Variants in TPST1 observed in about 807,000 individuals in gnomAD.
The protein encoded by TPST1 is tyrosylprotein sulfotransferase 1.
TPST1 carries 20 observed loss-of-function variants against 34.8 expected under a neutral mutation model. The ratio of observed to expected loss-of-function variants is 0.57; its 90% CI spans 0.40 to 0.84. TPST1 has a LOEUF of 0.84. TPST1 is among the 40% of genes least tolerant of loss of function. The pLI is 0.00. For missense variants in TPST1, 353 were observed against 455.5 expected, an observed-to-expected ratio of 0.78 and a Z score of 2.05; for synonymous variants, 152 against 159.4, an observed-to-expected ratio of 0.95 and a Z score of 0.35.
intron 5 of TPST1, among the ~76,000 whole-genome samples, chr7:66,357,470 T>C (rs986825655): frequency 6.6e-6 from 1 of 152,262 alleles, no homozygotes; most frequent in African/African-American, 2.4e-5. Flanking sequence ...CTTGTTTTAA[T>C]GTATTATGGA....
At chr7:66,286,132 T>C (rs1002258906) in intron 2 of TPST1, among the ~76,000 whole-genome samples, 3 of 152,220 alleles carry the variant, frequency 2.0e-5, no homozygotes, top group Non-Finnish European at 4.4e-5. Flanking sequence ...TGTCCCTCTT[T>C]CCATCCATCA....
chr7:66,216,001 G>A (rs1225069608), intron 1 of TPST1, among the ~76,000 whole-genome samples: 1 of 151,832 alleles, frequency 6.6e-6, no homozygotes, highest in East Asian at 1.9e-4. Flanking sequence ...TGGATCTCCT[G>A]ACCTTGTGAT....
chr7:66,234,400 TACACACACACAC>T (rs56139529), intron 1 of TPST1, among the ~76,000 whole-genome samples: 11 of 142,950 alleles, frequency 7.7e-5, no homozygotes, highest in African/African-American at 2.8e-4. Context: ...AAAGCATGGC[TACACACACACAC>T]ACACACACAC....
At chr7:66,357,428 G>C (rs1342927790) in intron 5 of TPST1, among the ~76,000 whole-genome samples, 2 of 152,196 alleles carry the variant, frequency 1.3e-5, no homozygotes, top group Admixed American at 6.5e-5. Context: ...TTGTTTGTTT[G>C]TTTCTTGGTT....
chr7:66,254,173 T>C (rs1460672874), intron 2 of TPST1, among the ~76,000 whole-genome samples: 5 of 152,116 alleles, frequency 3.3e-5, no homozygotes, highest in Non-Finnish European at 7.3e-5. Context: ...TAAATTTACA[T>C]TGAACCTGTA....
intron 2 of TPST1, among the ~76,000 whole-genome samples, chr7:66,275,517 A>G (rs1050100035): frequency 6.6e-6 from 1 of 152,266 alleles, no homozygotes; most frequent in South Asian, 2.1e-4. Context: ...TGCGGCATAC[A>G]TACACAATGG....
chr7:66,286,585 C>A lies in TPST1; in HGVS notation c.920C>A (p.Pro307Gln). ...GALSKWVGKI[P>Q]PDVLQDMAVI... is the part of the protein sequence containing the mutation. ...CTATCAAAATGGGTTGGGAAGATAC[C>A]GCCAGATGTTTTACAAGACATGGCA... The change falls in exon 3 of 6, where the codon CCG becomes CAG. Residue 307 changes from proline (P) to glutamine (Q), a missense_variant. Transcript: ENST00000304842. 3 of 1,610,222 alleles carry A rather than the reference C, an allele frequency of 1.9e-6. No individual in the cohort carries two copies. Among genetic ancestry groups the A allele is most frequent in the Non-Finnish European group, 2.5e-6 (3 of 1,177,730 alleles).
intron 1 of TPST1, among the ~76,000 whole-genome samples, chr7:66,222,927 G>A (rs1789574223): frequency 6.6e-6 from 1 of 152,068 alleles, no homozygotes; most frequent in South Asian, 2.1e-4. Flanking sequence ...TCTTCCTTTT[G>A]TAATTTCTAC....
chr7:66,318,448 T>C (rs1222205055), intron 3 of TPST1, among the ~76,000 whole-genome samples: 2 of 152,170 alleles, frequency 1.3e-5, no homozygotes, highest in Admixed American at 1.3e-4. Context: ...TTCCTTTTTT[T>C]TCCCCCAAGT....
chr7:66,206,123 C>CT (rs55882173), intron 1 of TPST1, among the ~76,000 whole-genome samples: 118 of 116,144 alleles, frequency 1.0e-3, no homozygotes, highest in East Asian at 6.2e-3. Context: ...GGATTCATCG[C>CT]TTTTTTTTTT....
chr7:66,212,100 C>T (rs189512275), intron 1 of TPST1, among the ~76,000 whole-genome samples: 21 of 152,272 alleles, frequency 1.4e-4, no homozygotes, highest in Non-Finnish European at 2.5e-4. Context: ...TTTATTCAGG[C>T]TTTGTCTTTA....
intron 2 of TPST1, among the ~76,000 whole-genome samples, chr7:66,273,805 A>T (rs7792806): frequency 0.41 from 37,565 of 92,316 alleles, 4,915 homozygotes; most frequent in East Asian, 0.5. Flanking sequence ...AAAAAAAAAA[A>T]TTTTTTTTTT....
At chr7:66,293,274 C>T (rs991009934) in intron 3 of TPST1, among the ~76,000 whole-genome samples, 3 of 151,830 alleles carry the variant, frequency 2.0e-5, no homozygotes, top group Admixed American at 6.6e-5. Context: ...TTTGGAAGGC[C>T]GAGATGCGAG....
intron 3 of TPST1, among the ~76,000 whole-genome samples, chr7:66,325,776 C>G (rs985989423): frequency 1.5e-4 from 23 of 152,050 alleles, no homozygotes; most frequent in African/African-American, 5.6e-4. Flanking sequence ...GCTGGGATTA[C>G]AGGCACCCGC....
At chr7:66,349,635 A>G (rs1792429898) in intron 3 of TPST1, among the ~76,000 whole-genome samples, 1 of 152,176 alleles carries the variant, frequency 6.6e-6, no homozygotes, top group South Asian at 2.1e-4. Context: ...TGACAAGAGA[A>G]GAGGGACTGG....
At chr7:66,284,499 ACTC>A (rs1466118519) in intron 2 of TPST1, among the ~76,000 whole-genome samples, 1 of 145,098 alleles carries the variant, frequency 6.9e-6, no homozygotes, top group Non-Finnish European at 1.5e-5. Flanking sequence ...TTAATCATAG[ACTC>A]CTTTCTCTTT....
intron 1 of TPST1, among the ~76,000 whole-genome samples, chr7:66,238,914 C>A (rs1158138624): frequency 6.6e-6 from 1 of 152,198 alleles, no homozygotes; most frequent in Non-Finnish European, 1.5e-5. Flanking sequence ...CATATACATG[C>A]TTCTGCTTTT....
intron 4 of TPST1, among the ~76,000 whole-genome samples, chr7:66,354,076 A>T (rs1052379005): frequency 9.2e-5 from 14 of 152,302 alleles, no homozygotes; most frequent in Admixed American, 7.8e-4. Context: ...CCCAGTGTCT[A>T]CTATGGTGAG....
intron 3 of TPST1, among the ~76,000 whole-genome samples, chr7:66,306,660 A>G (rs925281880): frequency 3.3e-5 from 5 of 151,966 alleles, no homozygotes; most frequent in Non-Finnish European, 7.4e-5. Context: ...TCCCTCCACA[A>G]TCTGCCTGCT....
Sources: allele counts gnomAD v4.1 joint callset (sites outside exome capture counted in the v4.1 genomes callset), GRCh38; gene constraint gnomAD v4.1.1; transcripts MANE v1.5; gene names NCBI Gene and HGNC (gene_info 2026-07-23, HGNC 2026-07-21).